GAREM1: variants seen among roughly 807,000 people sequenced by gnomAD.
The protein encoded by GAREM1 is GRB2-associated and regulator of MAPK protein 1.
In GAREM1, 26 loss-of-function variants were observed where a neutral mutation model predicts 71.3. The ratio of observed to expected loss-of-function variants is 0.36; its 90% CI spans 0.27 to 0.51. GAREM1 has a LOEUF of 0.51. Ranked by LOEUF, GAREM1 falls within the 20% of genes least tolerant of loss-of-function variation. GAREM1 has a pLI of 0.95. For missense variants in GAREM1, 1,026 were observed against 1,103.1 expected (o/e 0.93, Z 0.99); for synonymous variants, 440 against 433.2 (o/e 1.02, Z -0.20).
chr18:32,369,390 G>A (rs1324068621), intron 2 of GAREM1, among the ~76,000 whole-genome samples: 1 of 150,660 alleles, frequency 6.6e-6, no homozygotes, highest in Admixed American at 6.6e-5. Flanking sequence ...TTTCAGCACA[G>A]ACAGACTTTG....
At chr18:32,344,542 T>C (rs533266226) in intron 2 of GAREM1, among the ~76,000 whole-genome samples, 1 of 152,224 alleles carries the variant, frequency 6.6e-6, no homozygotes, top group East Asian at 1.9e-4. Flanking sequence ...AAGTAACTGC[T>C]CACTATGCTG....
chr18:32,376,750 A>C (rs1275091498), intron 2 of GAREM1, among the ~76,000 whole-genome samples: 4 of 152,242 alleles, frequency 2.6e-5, no homozygotes, highest in Non-Finnish European at 5.9e-5. Flanking sequence ...AGGCAGAAGA[A>C]TCGCTTGAAC....
intron 1 of GAREM1, among the ~76,000 whole-genome samples, chr18:32,427,964 A>G (rs1230486405): frequency 6.6e-6 from 1 of 152,210 alleles, no homozygotes; most frequent in Admixed American, 6.5e-5. Flanking sequence ...AAAAAATATG[A>G]CTATATATGG....
chr18:32,386,565 C>T (rs10502593), intron 2 of GAREM1, among the ~76,000 whole-genome samples: 5,304 of 152,248 alleles, frequency 0.035, 143 homozygotes, highest in East Asian at 0.11. Flanking sequence ...AAGCCAAACG[C>T]GGCTGGAGTT....
intron 2 of GAREM1, among the ~76,000 whole-genome samples, chr18:32,361,869 CAT>C (rs1240637148): frequency 6.6e-6 from 1 of 152,074 alleles, no homozygotes; most frequent in Non-Finnish European, 1.5e-5. Flanking sequence ...TTTTTGGAGA[CAT>C]ATGTACCAGG....
At chr18:32,281,831 A>G (rs1217666241) in intron 4 of GAREM1, among the ~76,000 whole-genome samples, 1 of 152,202 alleles carries the variant, frequency 6.6e-6, no homozygotes, top group East Asian at 1.9e-4. Context: ...TTGCACGTAT[A>G]TGCCCAGATG....
chr18:32,392,807 A>G (rs956745381), intron 2 of GAREM1, 88 bp downstream of exon 2: 14 of 1,379,696 alleles, frequency 1.0e-5, no homozygotes, highest in Admixed American at 1.9e-5. Context: ...TCTACTTTCT[A>G]GTTTACAGAC....
intron 2 of GAREM1, among the ~76,000 whole-genome samples, chr18:32,355,347 T>A (rs1381220943): frequency 6.6e-6 from 1 of 152,184 alleles, no homozygotes; most frequent in Non-Finnish European, 1.5e-5. Flanking sequence ...TATCTATGGA[T>A]AAATAAAATT....
intron 2 of GAREM1, among the ~76,000 whole-genome samples, chr18:32,332,493 T>C (rs1023474798): frequency 1.3e-5 from 2 of 152,152 alleles, no homozygotes; most frequent in Admixed American, 6.5e-5. Context: ...GAAGCTGTCA[T>C]TGGTAGGGGC....
chr18:32,270,447 A>G (rs2041443936), intron 4 of GAREM1, 64 bp from the exon 5 acceptor site: 3 of 1,416,098 alleles, frequency 2.1e-6, no homozygotes, highest in African/African-American at 1.4e-5. Context: ...CGCCAGCTCA[A>G]TCCTGAAGAC....
intron 1 of GAREM1, among the ~76,000 whole-genome samples, chr18:32,437,369 C>T (rs11874614): frequency 0.25 from 37,515 of 151,986 alleles, 5,723 homozygotes; most frequent in African/African-American, 0.42. Flanking sequence ...GATACTACTC[C>T]GTGCTGGGTG....
At chr18:32,346,821 A>G (rs1443846599) in intron 2 of GAREM1, among the ~76,000 whole-genome samples, 1 of 152,226 alleles carries the variant, frequency 6.6e-6, no homozygotes, top group Non-Finnish European at 1.5e-5. Context: ...TTTACAAAGT[A>G]GAGTTGAACT....
rs2041367601 is a variant in GAREM1 at position 32,265,949 on chromosome 18, G to T, written c.*1922C>A. 1 of 152,136 alleles carries T rather than the reference G, an allele frequency of 6.6e-6. No individual in the cohort carries two copies. The highest frequency in any genetic ancestry group is 6.5e-5 in the Admixed American group (1 of 15,284). 9.4% of individuals were successfully genotyped at this position (152,136 alleles called of 1,614,324 possible). ...GGGAGGCAGTCCCCCTCACACAGAA[G>T]GATGCTTTCAAAACACGAAAGCTTC... On this transcript the variant is annotated 3_prime_UTR_variant, in exon 6 of 6. Transcript: ENST00000269209.
Position 32,289,982 on chromosome 18 carries a change from G to C in GAREM1, c.394-1779C>G, listed in dbSNP as rs549021368. 7.4e-5 allele frequency among the ~76,000 whole-genome samples: 11 copies of C among 149,336 alleles called. No homozygotes were observed. The East Asian group carries it at 2.1e-3, about 29-fold the overall frequency. On this transcript the variant is annotated intron_variant, in intron 3 of 5. Coordinates refer to ENST00000269209, the MANE Select transcript of GAREM1 (RefSeq NM_001242409.2). ...TTACTCTGGTGGCTTATTTAAGGTA[G>C]GTTTTTTTTTGTGTGTGTGTGTAAG...
At chr18:32,390,226 T>C (rs1231207674) in intron 2 of GAREM1, among the ~76,000 whole-genome samples, 1 of 148,730 alleles carries the variant, frequency 6.7e-6, no homozygotes, top group East Asian at 2.0e-4. Context: ...ATTTACCTGT[T>C]TATAAAATTT....
intron 1 of GAREM1, chr18:32,413,312 G>T (rs533920724): frequency 9.5e-7 from 1 of 1,049,870 alleles, no homozygotes; most frequent in South Asian, 1.5e-5. Context: ...CAAAAATACC[G>T]CTTAGCCTTA....
intron 1 of GAREM1, among the ~76,000 whole-genome samples, chr18:32,409,058 C>G (rs1466494826): frequency 6.6e-6 from 1 of 152,074 alleles, no homozygotes; most frequent in African/African-American, 2.4e-5. Flanking sequence ...AAGCAGAAAC[C>G]CTCATCTCCC....
At chr18:32,315,978 G>A (rs1344834935) in intron 2 of GAREM1, among the ~76,000 whole-genome samples, 10 of 151,852 alleles carry the variant, frequency 6.6e-5, no homozygotes, top group African/African-American at 1.5e-4. Context: ...TTTCTATTGC[G>A]TCTGTGATCT....
At chr18:32,360,947 T>G (rs1403383054) in intron 2 of GAREM1, among the ~76,000 whole-genome samples, 1 of 152,176 alleles carries the variant, frequency 6.6e-6, no homozygotes, top group Non-Finnish European at 1.5e-5. Context: ...TTAAAAACAC[T>G]CTTCATGATG....
Sources: allele counts gnomAD v4.1 joint callset (sites outside exome capture counted in the v4.1 genomes callset), GRCh38; gene constraint gnomAD v4.1.1; transcripts MANE v1.5; gene names NCBI Gene and HGNC (gene_info 2026-07-23, HGNC 2026-07-21).